Variants in UNC13B observed in about 807,000 individuals in gnomAD.
The protein encoded by UNC13B is protein unc-13 homolog B.
Under a neutral mutation model 211.0 loss-of-function variants are expected in UNC13B, and 144 were observed. The observed-to-expected ratio is 0.68, with a 90% CI of 0.60 to 0.78. UNC13B has a LOEUF of 0.78. UNC13B is among the 30% of genes least tolerant of loss of function. The probability of loss-of-function intolerance (pLI) is 0.00; values close to 1 mark genes in which losing one functional copy is unlikely to be tolerated. For missense variants in UNC13B, 1,777 were observed against 2,002.0 expected, an observed-to-expected ratio of 0.89 and a Z score of 2.14; for synonymous variants, 709 against 725.8, an observed-to-expected ratio of 0.98 and a Z score of 0.37.
chr9:35,343,967 A>C (rs1289972673), intron 11 of UNC13B, among the ~76,000 whole-genome samples: 1 of 152,130 alleles, frequency 6.6e-6, no homozygotes, highest in African/African-American at 2.4e-5. Context: ...AAATATATTA[A>C]AATTAATTCT....
intron 7 of UNC13B, among the ~76,000 whole-genome samples, chr9:35,269,648 A>G (rs1350622967): frequency 6.6e-6 from 1 of 152,198 alleles, no homozygotes; most frequent in Non-Finnish European, 1.5e-5. Context: ...GAGTTATCAC[A>G]TTAGCATTAA....
chr9:35,278,775 T>C (rs1828318799), intron 7 of UNC13B, among the ~76,000 whole-genome samples: 1 of 152,196 alleles, frequency 6.6e-6, no homozygotes, highest in Admixed American at 6.5e-5. Context: ...CAAAATTCGA[T>C]GTAAAAATGT....
chr9:35,364,978 A>C (rs191908958), intron 11 of UNC13B, among the ~76,000 whole-genome samples: 6 of 152,314 alleles, frequency 3.9e-5, no homozygotes, highest in Admixed American at 6.5e-5. Context: ...CCCAGCACGC[A>C]TGTGTACTTT....
intron 1 of UNC13B, among the ~76,000 whole-genome samples, chr9:35,210,006 A>C (rs577556624): frequency 6.6e-6 from 1 of 152,260 alleles, no homozygotes; most frequent in Non-Finnish European, 1.5e-5. Context: ...TTGGGAGGCC[A>C]AGGTGGGTGG....
intron 26 of UNC13B, among the ~76,000 whole-genome samples, chr9:35,391,239 A>C (rs1478173782): frequency 6.6e-6 from 1 of 152,128 alleles, no homozygotes; most frequent in African/African-American, 2.4e-5. Context: ...TTACTCATTC[A>C]GCTTGTTCTT....
intron 1 of UNC13B, among the ~76,000 whole-genome samples, chr9:35,189,175 C>T (rs969350733): frequency 1.3e-5 from 2 of 152,162 alleles, no homozygotes; most frequent in East Asian, 1.9e-4. Context: ...TACTAAAAAA[C>T]GCATTTTACT....
intron 1 of UNC13B, among the ~76,000 whole-genome samples, chr9:35,212,165 A>C (rs1239868772): frequency 6.6e-6 from 1 of 152,252 alleles, no homozygotes; most frequent in Non-Finnish European, 1.5e-5. Flanking sequence ...ATGAAGTTAG[A>C]CCCTAAGGTA....
chr9:35,344,352 A>T (rs1470399752), intron 11 of UNC13B, among the ~76,000 whole-genome samples: 2 of 152,218 alleles, frequency 1.3e-5, no homozygotes, highest in Non-Finnish European at 2.9e-5. Flanking sequence ...TTACAATGAA[A>T]GAGGACTGTA....
rs1385426550 is a variant in UNC13B, at chr9:35,304,884, A to G, written c.5480A>G (p.Asn1827Ser). The G allele has an allele frequency of 5.8e-5, 23 of 398,854 alleles. No individual in the cohort carries two copies. Among genetic ancestry groups the G allele is most frequent in the Non-Finnish European group, 9.7e-5 (22 of 225,994 alleles). The allele number at this position is 398,854 out of a possible 1,614,324, so 24.7% of individuals were successfully genotyped here. Residue 1827 changes from asparagine (N) to serine (S), a missense_variant, in exon 9 of 40, where the codon AAT becomes AGT. Asn to Ser is a conservative substitution (Grantham distance 46). Transcript: ENST00000635942. ...GATTCAGAAAGACAGATAGTATCCA[A>G]TGTTCAGCATCCAGAATTGATCAAA... ...LKDSERQIVS[N>S]VQHPELIKNI...
At chr9:35,198,981 C>T (rs533338190) in intron 1 of UNC13B, among the ~76,000 whole-genome samples, 3 of 152,210 alleles carry the variant, frequency 2.0e-5, no homozygotes, top group South Asian at 2.1e-4. Flanking sequence ...ATTTACATTA[C>T]GTATAACTCC....
intron 26 of UNC13B, among the ~76,000 whole-genome samples, chr9:35,390,966 AC>A (rs1835496319): frequency 6.6e-6 from 1 of 152,180 alleles, no homozygotes; most frequent in African/African-American, 2.4e-5. Context: ...CCTGTTCAAG[AC>A]CTTCCCAGCC....
chr9:35,378,794 G>A (rs961792908), intron 17 of UNC13B, among the ~76,000 whole-genome samples: 1 of 152,126 alleles, frequency 6.6e-6, no homozygotes, highest in Non-Finnish European at 1.5e-5. Context: ...GTACAGTAGG[G>A]TTAGGCTCTC....
At chr9:35,191,365 C>T (rs941606427) in intron 1 of UNC13B, among the ~76,000 whole-genome samples, 3 of 152,114 alleles carry the variant, frequency 2.0e-5, no homozygotes, top group Non-Finnish European at 2.9e-5. Context: ...TGTTTTTAGC[C>T]CCTAAGCTGT....
chr9:35,211,640 CTT>C (rs1375062473), intron 1 of UNC13B, among the ~76,000 whole-genome samples: 1 of 152,126 alleles, frequency 6.6e-6, no homozygotes, highest in Non-Finnish European at 1.5e-5. Flanking sequence ...CTTTTTAAGA[CTT>C]TGATAGATTC....
At chr9:35,400,274 C>T (rs372509317) in intron 36 of UNC13B, 22 bp from the exon 37 acceptor site, 53 of 1,611,412 alleles carry the variant, frequency 3.3e-5, no homozygotes, top group Admixed American at 1.0e-4. Context: ...GAAGCAGTCA[C>T]GGGTGCTCTT....
chr9:35,195,205 G>A (rs1822870921), intron 1 of UNC13B, among the ~76,000 whole-genome samples: 1 of 152,180 alleles, frequency 6.6e-6, no homozygotes, highest in Non-Finnish European at 1.5e-5. Flanking sequence ...ACACCTGCCA[G>A]CATGTATGTC....
intron 7 of UNC13B, among the ~76,000 whole-genome samples, chr9:35,287,725 A>G (rs1172886055): frequency 6.6e-6 from 1 of 152,146 alleles, no homozygotes; most frequent in East Asian, 1.9e-4. Context: ...ATGCATTATC[A>G]GGTGCTGAGG....
intron 7 of UNC13B, chr9:35,291,019 CA>C (rs1564116267): frequency 3.9e-6 from 6 of 1,543,792 alleles, no homozygotes; most frequent in Non-Finnish European, 4.4e-6. Flanking sequence ...TGAATTCCTT[CA>C]AAAAAGTATT....
chr9:35,278,109 G>C (rs1480686865), intron 7 of UNC13B, among the ~76,000 whole-genome samples: 2 of 152,196 alleles, frequency 1.3e-5, no homozygotes, highest in Admixed American at 6.5e-5. Flanking sequence ...CACTGGCTTA[G>C]AGTACAGTGA....
Sources: gnomAD v4.1 joint callset for allele counts (sites outside exome capture counted in the v4.1 genomes callset) on GRCh38, gnomAD v4.1.1 for gene constraint, MANE v1.5 for transcripts, NCBI Gene and HGNC (gene_info 2026-07-23, HGNC 2026-07-21) for gene names.